The following KLHL13 variants were observed in gnomAD, a reference collection of about 807,000 sequenced individuals.
The protein encoded by KLHL13 is kelch-like protein 13.
In KLHL13, 10 loss-of-function variants were observed where a neutral mutation model predicts 37.1. The observed-to-expected ratio is 0.27, with a 90% CI of 0.17 to 0.46. The LOEUF (loss-of-function observed/expected upper bound fraction) is 0.46, where lower values mean the gene tolerates loss of function less well. Ranked by LOEUF, KLHL13 falls within the 20% of genes least tolerant of loss-of-function variation. KLHL13 has a pLI of 1.00. For synonymous variants in KLHL13, 163 were observed against 181.2 expected, an observed-to-expected ratio of 0.90 and a Z score of 0.81; for missense variants, 360 against 509.3, an observed-to-expected ratio of 0.71 and a Z score of 2.82.
At chrX:117,948,189 G>A (rs951863001) in intron 1 of KLHL13, among the ~76,000 whole-genome samples, 5 of 111,636 alleles carry the variant, frequency 4.5e-5, no homozygotes, top group African/African-American at 1.6e-4. Context: ...AAGTGCCAAA[G>A]GTGAGAAATC....
In KLHL13 at chrX:117,971,944, G is replaced by A. The variant is rs184014614; in HGVS notation, c.98+787C>T. On this transcript the variant is annotated intron_variant, in intron 1 of 6. Transcript: ENST00000262820. ...GATTCGGTTTTCCTCCACCAAAAAGGATCATGAACAATACTTTAAAAGAAC... is the reference window on the plus strand; with the variant it reads ...GATTCGGTTTTCCTCCACCAAAAAGAATCATGAACAATACTTTAAAAGAAC... 1.5e-3 allele frequency among the ~76,000 whole-genome samples: 168 copies of A among 111,396 alleles called. 2 individuals are homozygous for A. Among genetic ancestry groups the A allele is most frequent in the African/African-American group, 5.3e-3 (163 of 30,796 alleles).
chrX:117,989,549 G>C (rs1172916880), intron 1 of KLHL13, among the ~76,000 whole-genome samples: 1 of 109,885 alleles, frequency 9.1e-6, no homozygotes, highest in African/African-American at 3.3e-5. Context: ...GGAAGCTACA[G>C]AATAGCTATA....
intron 1 of KLHL13, among the ~76,000 whole-genome samples, chrX:118,107,888 CA>C (rs1275114587): frequency 9.0e-6 from 1 of 111,255 alleles, no homozygotes; most frequent in South Asian, 3.8e-4. Flanking sequence ...CCTGTCTCTA[CA>C]AAAAATACAT....
upstream of KLHL13, among the ~76,000 whole-genome samples, chrX:117,978,634 G>A (rs2053621415): frequency 9.0e-6 from 1 of 111,028 alleles, no homozygotes; most frequent in African/African-American, 3.3e-5. Context: ...AGAGAACAAA[G>A]ATCCAGTTGT....
chrX:118,058,300 CT>C (rs1484128410), intron 1 of KLHL13, among the ~76,000 whole-genome samples: 1 of 110,967 alleles, frequency 9.0e-6, no homozygotes, highest in African/African-American at 3.3e-5. Flanking sequence ...TACTCCCCCC[CT>C]CATTTTTATT....
At chrX:118,000,363 G>A (rs1176054722) in intron 1 of KLHL13, among the ~76,000 whole-genome samples, 1 of 111,941 alleles carries the variant, frequency 8.9e-6, no homozygotes, top group African/African-American at 3.2e-5. Flanking sequence ...AATCTACTTT[G>A]ATTAAAAGTA....
chrX:118,069,962 T>C (rs148354649), intron 1 of KLHL13, among the ~76,000 whole-genome samples: 1 of 112,021 alleles, frequency 8.9e-6, no homozygotes, highest in Non-Finnish European at 1.9e-5. Context: ...TTATCTTTTA[T>C]ACCATATTTT....
intron 1 of KLHL13, chrX:117,985,112 C>T: frequency 4.8e-6 from 2 of 415,038 alleles, no homozygotes; most frequent in Non-Finnish European, 7.9e-6. Flanking sequence ...CAATATGTCT[C>T]CTGAATTCTA....
chrX:118,087,608 C>A (rs982916850), intron 1 of KLHL13, among the ~76,000 whole-genome samples: 6 of 111,313 alleles, frequency 5.4e-5, no homozygotes, highest in Non-Finnish European at 1.1e-4. Flanking sequence ...TTTCTGACTT[C>A]TTTCCTTTTA....
chrX:117,970,770 T>G (rs1414903664), intron 1 of KLHL13, among the ~76,000 whole-genome samples: 1 of 111,953 alleles, frequency 8.9e-6, no homozygotes, highest in Non-Finnish European at 1.9e-5. Flanking sequence ...ACATTTCACA[T>G]AAATTTCTAT....
At chrX:117,931,484 T>A (rs1437141204) in intron 2 of KLHL13, among the ~76,000 whole-genome samples, 1 of 109,117 alleles carries the variant, frequency 9.2e-6, no homozygotes, top group East Asian at 2.8e-4. Flanking sequence ...TTCTCCCTGA[T>A]TTTTTTTTTC....
Position 118,045,166 on chromosome X carries a change from G to A in KLHL13, c.-56+71342C>T, listed in dbSNP as rs2054545312. On this transcript the variant is annotated intron_variant, in intron 1 of 6. Transcript: ENST00000371882. ...AGGCAGGCAGATCACAAGGTCAGGAGATCGAGACCATCCTGGCTAACACAG... is the reference window on the plus strand; with the variant it reads ...AGGCAGGCAGATCACAAGGTCAGGAAATCGAGACCATCCTGGCTAACACAG... Among the ~76,000 whole-genome samples, 3 of 110,268 alleles carry A rather than the reference G, an allele frequency of 2.7e-5. No individual in the cohort carries two copies. The South Asian group carries it at 1.2e-3, about 43-fold the overall frequency.
chrX:117,923,079 G>A (rs1210738397), intron 2 of KLHL13, among the ~76,000 whole-genome samples: 2 of 111,327 alleles, frequency 1.8e-5, no homozygotes, highest in Non-Finnish European at 3.8e-5. Flanking sequence ...CTACAGTAGG[G>A]GCATGTCATA....
chrX:117,986,337 C>T (rs1054809639), intron 1 of KLHL13, among the ~76,000 whole-genome samples: 7 of 111,323 alleles, frequency 6.3e-5, no homozygotes, highest in African/African-American at 2.3e-4. Flanking sequence ...GCAAATTCTT[C>T]GATATGACTG....
intron 4 of KLHL13, among the ~76,000 whole-genome samples, chrX:117,916,048 C>T (rs956593979): frequency 1.8e-5 from 2 of 111,316 alleles, no homozygotes; most frequent in Non-Finnish European, 3.8e-5. Flanking sequence ...ATCCCAGCTA[C>T]TCGGGAGGCT....
At chrX:118,117,030 G>A (rs1254557431), upstream of KLHL13, among the ~76,000 whole-genome samples, 1 of 113,064 alleles carries the variant, frequency 8.8e-6, no homozygotes, top group Admixed American at 9.2e-5. Context: ...CCCTGAAGCT[G>A]AATGACCGCT....
At chrX:117,973,342 A>G in exon 1 of KLHL13, 1 of 971,944 alleles carries the variant, frequency 1.0e-6, no homozygotes. Context: ...CCTCTGAACA[A>G]TCTTCTTTTG....
intron 2 of KLHL13, among the ~76,000 whole-genome samples, chrX:117,924,423 T>C (rs1304987661): frequency 8.9e-6 from 1 of 112,085 alleles, no homozygotes; most frequent in East Asian, 2.8e-4. Flanking sequence ...ATAAATCTTT[T>C]CCCCTATTTA....
chrX:118,078,624 T>C (rs2054954121), intron 1 of KLHL13, among the ~76,000 whole-genome samples: 1 of 111,769 alleles, frequency 8.9e-6, no homozygotes, highest in Non-Finnish European at 1.9e-5. Flanking sequence ...AGTAGTATAT[T>C]TTGGTGTACA....
Sources: gnomAD v4.1 joint callset for allele counts (sites outside exome capture counted in the v4.1 genomes callset) on GRCh38, gnomAD v4.1.1 for gene constraint, MANE v1.5 for transcripts, NCBI Gene and HGNC (gene_info 2026-07-23, HGNC 2026-07-21) for gene names.